Variants in SUZ12 observed in about 807,000 individuals in gnomAD.
The protein encoded by SUZ12 is SUZ12 polycomb repressive complex 2 subunit, also known as polycomb protein SUZ12.
A neutral mutation model predicts 87.3 loss-of-function variants in SUZ12; 17 were observed. The observed-to-expected ratio is 0.19, with a 90% confidence interval of 0.13 to 0.29. The LOEUF (loss-of-function observed/expected upper bound fraction) is 0.29. Ranked by LOEUF, SUZ12 falls within the 10% of genes least tolerant of loss-of-function variation. SUZ12 has a pLI of 1.00. For synonymous variants in SUZ12, 253 were observed against 312.4 expected (o/e 0.81, Z 2.01); for missense variants, 526 against 912.2 (o/e 0.58, Z 5.45).
chr17:31,985,651 TTTTG>T (rs1211008643), intron 9 of SUZ12, among the ~76,000 whole-genome samples: 1 of 150,770 alleles, frequency 6.6e-6, no homozygotes, highest in Non-Finnish European at 1.5e-5. Flanking sequence ...TTGGTTTTGT[TTTTG>T]TTTTTTTTTT....
chr17:31,947,561 A>C, intron 3 of SUZ12, 56 bp from the exon 4 acceptor site: 1 of 1,565,110 alleles, frequency 6.4e-7, no homozygotes, highest in Non-Finnish European at 8.7e-7. Flanking sequence ...ATAAAGTATA[A>C]TTTGTTTCTT....
chr17:31,995,872 A>G, intron 14 of SUZ12, 110 bp downstream of exon 14: 1 of 852,330 alleles, frequency 1.2e-6, no homozygotes, highest in Non-Finnish European at 1.8e-6. Flanking sequence ...TAAAAAAAAA[A>G]AAAGGAATCC....
chr17:31,938,703 G>C (rs745309357), intron 1 of SUZ12, among the ~76,000 whole-genome samples: 6 of 152,186 alleles, frequency 3.9e-5, no homozygotes, highest in Admixed American at 3.9e-4. Flanking sequence ...AATGATACTT[G>C]TTTGTACCCC....
At chr17:31,975,085 A>G (rs1272857579) in intron 6 of SUZ12, among the ~76,000 whole-genome samples, 3 of 152,184 alleles carry the variant, frequency 2.0e-5, no homozygotes. Flanking sequence ...GTTAAAATAG[A>G]ACATTTAAGA....
At chr17:31,981,205 T>G (rs1909082225) in intron 8 of SUZ12, among the ~76,000 whole-genome samples, 1 of 152,224 alleles carries the variant, frequency 6.6e-6, no homozygotes, top group Non-Finnish European at 1.5e-5. Context: ...TTTCAACTTG[T>G]CTTTCAGGTA....
At chr17:31,995,381 GT>G (rs1203200349) in intron 13 of SUZ12, among the ~76,000 whole-genome samples, 182 bp from the exon 14 acceptor site, 1 of 152,150 alleles carries the variant, frequency 6.6e-6, no homozygotes, top group Non-Finnish European at 1.5e-5. Context: ...TATGTAATAG[GT>G]TTGATTTACA....
chr17:31,971,128 T>C (rs891709004), intron 5 of SUZ12, among the ~76,000 whole-genome samples: 14 of 152,188 alleles, frequency 9.2e-5, no homozygotes, highest in Admixed American at 2.0e-4. Flanking sequence ...ATTTTTGTTA[T>C]CCCATTTAAA....
intron 8 of SUZ12, among the ~76,000 whole-genome samples, chr17:31,978,368 C>G (rs1216046286): frequency 6.6e-6 from 1 of 151,998 alleles, no homozygotes; most frequent in Non-Finnish European, 1.5e-5. Flanking sequence ...GCTACCATGC[C>G]CAGCTAATTT....
At chr17:31,957,554 G>A (rs879530592) in intron 4 of SUZ12, among the ~76,000 whole-genome samples, 1 of 151,914 alleles carries the variant, frequency 6.6e-6, no homozygotes, top group Non-Finnish European at 1.5e-5. Flanking sequence ...CGGGATTACA[G>A]GTGCCTGCCA....
intron 8 of SUZ12, among the ~76,000 whole-genome samples, chr17:31,977,469 C>CG (rs1207990134): frequency 6.6e-6 from 1 of 152,102 alleles, no homozygotes; most frequent in African/African-American, 2.4e-5. Flanking sequence ...TCAGTAGAGA[C>CG]GGGTTTCACC....
chr17:31,984,657 A>G (rs1446915107), intron 9 of SUZ12, among the ~76,000 whole-genome samples: 3 of 152,256 alleles, frequency 2.0e-5, no homozygotes, highest in African/African-American at 4.8e-5. Context: ...AATAAGAAAT[A>G]TGTGTCAAGG....
chr17:31,946,560 A>C lies in SUZ12; in HGVS notation c.387-1057A>C, dbSNP rs9907395. 8.6e-3 allele frequency among the ~76,000 whole-genome samples: 1,311 copies of C among 152,210 alleles called. 17 individuals are homozygous for C. Among genetic ancestry groups the C allele is most frequent in the African/African-American group, 0.03 (1,240 of 41,536 alleles). On this transcript the variant is annotated intron_variant, in intron 3 of 15. Transcript: ENST00000322652. ...AAAACAAAACAAACAAAAACAAACA[A>C]ACACAAAACTCTCTTTGAGGAATGA...
At chr17:31,946,258 G>A (rs1440424081) in intron 3 of SUZ12, among the ~76,000 whole-genome samples, 1 of 151,896 alleles carries the variant, frequency 6.6e-6, no homozygotes, top group African/African-American at 2.4e-5. Context: ...TTTTGGCCAG[G>A]CATGGTGGCT....
chr17:31,991,542 C>CT (rs3084718), intron 10 of SUZ12, among the ~76,000 whole-genome samples: 13,069 of 151,704 alleles, frequency 0.086, 1,483 homozygotes, highest in African/African-American at 0.25. Context: ...ATATAAATAC[C>CT]TTTTTTTCTT....
chr17:32,000,221 G>T lies in SUZ12; in HGVS notation c.*1218G>T. ...CATTTTCATATTCTTTATTTATAAA[G>T]GATCAATGCTGCTGTAAATACAGGT... On this transcript the variant is annotated 3_prime_UTR_variant, in exon 16 of 16. Coordinates refer to ENST00000322652, the MANE Select transcript of SUZ12 (RefSeq NM_015355.4). 4.3e-6 allele frequency: 1 copy of T among 233,068 alleles called. No individual in the cohort carries two copies. The highest frequency in any genetic ancestry group is 8.5e-6 in the Non-Finnish European group (1 of 117,746). 14.4% of individuals were successfully genotyped at this position (233,068 alleles called of 1,614,324 possible).
rs1164962849 is a variant in SUZ12 at position 31,999,007 on chromosome 17, G to T, written c.*4G>T. ...GAGCAAAAAACAAAAACTCTGAAAA[G>T]CTCTAACCCCATGTTATGGACAAAC... On this transcript the variant is annotated 3_prime_UTR_variant, in exon 16 of 16. Coordinates refer to ENST00000322652, the MANE Select transcript of SUZ12 (RefSeq NM_015355.4). The T allele has an allele frequency of 1.7e-5, 26 of 1,526,908 alleles. No homozygotes were observed. The highest frequency in any genetic ancestry group is 2.2e-5 in the Non-Finnish European group (25 of 1,143,336). 94.6% of individuals were successfully genotyped at this position (1,526,908 alleles called of 1,614,324 possible).
Position 32,000,628 on chromosome 17 carries a change from T to G in SUZ12, c.*1625T>G. 9.0e-6 allele frequency: 2 copies of G among 221,928 alleles called. No individual in the cohort carries two copies. Among genetic ancestry groups the G allele is most frequent in the Non-Finnish European group, 8.8e-6 (1 of 114,192 alleles). The allele number at this position is 221,928 out of a possible 1,614,324, so 13.7% of individuals were successfully genotyped here. A position where few individuals can be genotyped will look rare whatever the true frequency, so the allele number is the denominator to read the frequency against. ...CTTTAATTTGCTAAAGCTGTGCACATATGTAAAAAAAAAAAAAAAAAGATT... is the reference window on the plus strand; with the variant it reads ...CTTTAATTTGCTAAAGCTGTGCACAGATGTAAAAAAAAAAAAAAAAAGATT... On this transcript the variant is annotated 3_prime_UTR_variant, in exon 16 of 16. Coordinates refer to ENST00000322652, the MANE Select transcript of SUZ12 (RefSeq NM_015355.4).
intron 11 of SUZ12, among the ~76,000 whole-genome samples, chr17:31,993,619 C>T (rs897137551): frequency 6.6e-6 from 1 of 152,032 alleles, no homozygotes; most frequent in Admixed American, 6.6e-5. Flanking sequence ...CGAGGTTTTA[C>T]CATGTTGCCC....
intron 4 of SUZ12, chr17:31,963,814 T>G (rs374458271): frequency 6.6e-6 from 1 of 152,054 alleles, no homozygotes; most frequent in African/African-American, 2.4e-5. Flanking sequence ...TGAGCCACCG[T>G]GCCCGGCCAT....
Sources: allele counts gnomAD v4.1 joint callset (sites outside exome capture counted in the v4.1 genomes callset), GRCh38; gene constraint gnomAD v4.1.1; transcripts MANE v1.5; gene names NCBI Gene and HGNC (gene_info 2026-07-23, HGNC 2026-07-21).